The following NOX4 variants were observed in gnomAD, a reference collection of about 807,000 sequenced individuals.
The protein encoded by NOX4 is NADPH oxidase 4.
NOX4 carries 69 observed loss-of-function variants against 87.6 expected under a neutral mutation model. That is an observed-to-expected ratio of 0.79 (90% CI 0.65 to 0.96). The LOEUF (loss-of-function observed/expected upper bound fraction) is 0.96. Ranked by LOEUF, NOX4 falls within the 40% of genes least tolerant of loss-of-function variation. The probability of loss-of-function intolerance (pLI) is 0.00; values close to 1 mark genes in which losing one functional copy is unlikely to be tolerated. For synonymous variants in NOX4, 275 were observed against 238.2 expected, an observed-to-expected ratio of 1.15 and a Z score of -1.42; for missense variants, 680 against 681.5, an observed-to-expected ratio of 1.00 and a Z score of 0.02.
At chr11:89,414,439 A>G (rs1942652730) in intron 8 of NOX4, among the ~76,000 whole-genome samples, 1 of 151,772 alleles carries the variant, frequency 6.6e-6, no homozygotes, top group Non-Finnish European at 1.5e-5. Context: ...TATTTTCCCC[A>G]TTGCTTTCTT....
intron 16 of NOX4, among the ~76,000 whole-genome samples, chr11:89,336,779 G>C (rs1372793959): frequency 6.6e-6 from 1 of 151,944 alleles, no homozygotes; most frequent in African/African-American, 2.4e-5. Flanking sequence ...AATACGACTG[G>C]AAAACTTAGA....
At chr11:89,524,426 A>G in the NOX4 span, among the ~76,000 whole-genome samples, 10 of 152,274 alleles carry the variant, frequency 6.6e-5, no homozygotes, top group African/African-American at 2.2e-4. Context: ...TAATTTCAAT[A>G]TGACAGTTGT....
At chr11:89,481,252 G>A (rs933109724) in intron 2 of NOX4, among the ~76,000 whole-genome samples, 1 of 151,318 alleles carries the variant, frequency 6.6e-6, no homozygotes, top group African/African-American at 2.4e-5. Context: ...ACATATATAT[G>A]TTATATATAT....
chr11:89,520,538 C>T, the NOX4 span, among the ~76,000 whole-genome samples: 3 of 151,894 alleles, frequency 2.0e-5, no homozygotes, highest in Non-Finnish European at 4.4e-5. Context: ...TTTAAAAATG[C>T]TTGAAATTCA....
In NOX4 at chr11:89,359,379, A is replaced by ATT. The variant is rs33949541; in HGVS notation, c.1136-4338_1136-4337dup. Among the ~76,000 whole-genome samples, 1,040 of 128,726 alleles carry ATT rather than the reference A, an allele frequency of 8.1e-3. 16 individuals are homozygous for ATT. Among genetic ancestry groups the ATT allele is most frequent in the African/African-American group, 0.025 (849 of 34,444 alleles). The allele number at this position is 128,726 out of a possible 152,430, so 84.4% of individuals were successfully genotyped here. On this transcript the variant is annotated intron_variant, in intron 12 of 17. Coordinates refer to ENST00000263317, the MANE Select transcript of NOX4 (RefSeq NM_016931.5). ...TACATAACAATAAAAAGCAGTAGGCATTTTTTTTTTTTTTTTTTTGAGATG... is the reference window on the plus strand; with the variant it reads ...TACATAACAATAAAAAGCAGTAGGCATTTTTTTTTTTTTTTTTTTTTGAGATG...
At chr11:89,471,550 T>A (rs1330596037) in intron 2 of NOX4, among the ~76,000 whole-genome samples, 4 of 152,288 alleles carry the variant, frequency 2.6e-5, no homozygotes, top group Non-Finnish European at 5.9e-5. Flanking sequence ...TGCCTATAAG[T>A]CAAAACTGTA....
chr11:89,528,805 C>A, the NOX4 span, among the ~76,000 whole-genome samples: 2,257 of 152,198 alleles, frequency 0.015, 48 homozygotes, highest in African/African-American at 0.047. Context: ...CTAATATAAT[C>A]TATCTATCTG....
At chr11:89,392,972 C>T (rs1203118476) in intron 11 of NOX4, among the ~76,000 whole-genome samples, 2 of 152,154 alleles carry the variant, frequency 1.3e-5, no homozygotes, top group African/African-American at 4.8e-5. Context: ...AAGATAAGCA[C>T]TCCCATCCCT....
Position 89,335,908 on chromosome 11 carries a change from C to A in NOX4, c.1553G>T (p.Arg518Ile), listed in dbSNP as rs1296465798. ...CCACCGAGGACGTCCTATAAACAGT[C>A]TTGAATTCAGTGCATGATATTTTTC... ...IGEKYHALNS[R>I]LFIGRPRWKL... Residue 518 changes from arginine to isoleucine, a missense_variant, in exon 17 of 18, where the codon AGA becomes ATA. By Grantham distance (97) the Arg-to-Ile change is moderately conservative. Transcript: ENST00000263317. 6 of 1,600,784 alleles carry A rather than the reference C, an allele frequency of 3.7e-6. No homozygotes were observed. In the African/African-American group the frequency reaches 8.1e-5, roughly 22 times the overall value.
intron 8 of NOX4, among the ~76,000 whole-genome samples, chr11:89,418,731 A>C (rs1942930080): frequency 6.6e-6 from 1 of 152,014 alleles, no homozygotes; most frequent in African/African-American, 2.4e-5. Flanking sequence ...GAGAATTAGA[A>C]CTTCCCCTAA....
chr11:89,445,837 A>G (rs1470416795), intron 4 of NOX4, among the ~76,000 whole-genome samples: 2 of 152,152 alleles, frequency 1.3e-5, no homozygotes, highest in South Asian at 2.1e-4. Flanking sequence ...TGTCAGAGAC[A>G]TGATCCATGA....
the NOX4 span, among the ~76,000 whole-genome samples, chr11:89,528,282 G>T: frequency 6.6e-6 from 1 of 152,130 alleles, no homozygotes; most frequent in Non-Finnish European, 1.5e-5. Flanking sequence ...GGTGAAAGCA[G>T]CTTGCCATGT....
chr11:89,461,527 C>T (rs1315755901), intron 2 of NOX4, among the ~76,000 whole-genome samples: 1 of 151,478 alleles, frequency 6.6e-6, no homozygotes, highest in Non-Finnish European at 1.5e-5. Context: ...CACACGTAGT[C>T]CCAGCTACTC....
the NOX4 span, among the ~76,000 whole-genome samples, chr11:89,532,028 C>T: frequency 6.6e-6 from 1 of 152,194 alleles, no homozygotes. Flanking sequence ...GAGTTTCCAC[C>T]TAGATTTCAG....
chr11:89,565,923 A>T, the NOX4 span, among the ~76,000 whole-genome samples: 1 of 151,978 alleles, frequency 6.6e-6, no homozygotes, highest in Admixed American at 6.5e-5. Context: ...TCTGGAATAG[A>T]TCTTGCATGG....
intron 13 of NOX4, among the ~76,000 whole-genome samples, chr11:89,343,607 A>G (rs1185565486): frequency 6.6e-6 from 1 of 152,132 alleles, no homozygotes; most frequent in African/African-American, 2.4e-5. Context: ...CTTTTTTTAC[A>G]TATTTAATCT....
chr11:89,488,767 C>T (rs1946730382), intron 2 of NOX4: 2 of 437,530 alleles, frequency 4.6e-6, no homozygotes, highest in Non-Finnish European at 8.0e-6. Flanking sequence ...AAAGCTTCCA[C>T]TGAAAAACGT....
chr11:89,441,836 T>TG (rs1176596947), intron 5 of NOX4, among the ~76,000 whole-genome samples: 1 of 151,558 alleles, frequency 6.6e-6, no homozygotes, highest in African/African-American at 2.4e-5. Context: ...AGTCACAAGG[T>TG]GGAGGGTGAG....
rs1946802225 is a variant in NOX4, at chr11:89,490,404, T to C, written c.153+54A>G. On this transcript the variant is annotated intron_variant, in intron 2 of 17. Coordinates refer to ENST00000263317, the MANE Select transcript of NOX4 (RefSeq NM_016931.5). ...ATGGAACTGACCAAACCTGTAGCAA[T>C]GTCTGCCAGTGTTAAACCCATTCCA... 2.1e-5 allele frequency: 25 copies of C among 1,187,362 alleles called. 1 individual carries two copies. In the South Asian group the frequency reaches 2.9e-4, roughly 14 times the overall value. 73.6% of individuals were successfully genotyped at this position (1,187,362 alleles called of 1,614,324 possible). A position where few individuals can be genotyped will look rare whatever the true frequency, so the allele number is the denominator to read the frequency against.
Sources: gnomAD v4.1 joint callset for allele counts (sites outside exome capture counted in the v4.1 genomes callset) on GRCh38, gnomAD v4.1.1 for gene constraint, MANE v1.5 for transcripts, NCBI Gene and HGNC (gene_info 2026-07-23, HGNC 2026-07-21) for gene names.